The following GALNTL6 variants were observed in gnomAD, a reference collection of about 807,000 sequenced individuals.
GALNTL6 encodes polypeptide N-acetylgalactosaminyltransferase like 6.
In GALNTL6, 46 loss-of-function variants were observed where a neutral mutation model predicts 73.7. That is an observed-to-expected ratio of 0.62 (90% CI 0.49 to 0.80). The LOEUF is 0.80. Among genes scored for constraint, GALNTL6 ranks in the 30% least tolerant of loss-of-function variants. GALNTL6 has a pLI of 0.00. For missense variants in GALNTL6, 604 were observed against 755.0 expected (o/e 0.80, Z 2.34); for synonymous variants, 259 against 263.7 (o/e 0.98, Z 0.17).
chr4:172,682,124 A>G (rs1297283392), intron 5 of GALNTL6, among the ~76,000 whole-genome samples: 1 of 152,244 alleles, frequency 6.6e-6, no homozygotes, highest in Non-Finnish European at 1.5e-5. Flanking sequence ...TTTGGTGCAC[A>G]GAAATATAGA....
At chr4:172,817,833 C>T (rs1334316997) in intron 7 of GALNTL6, among the ~76,000 whole-genome samples, 2 of 152,174 alleles carry the variant, frequency 1.3e-5, no homozygotes, top group African/African-American at 2.4e-5. Flanking sequence ...ATAGTCGTTT[C>T]TGTTAGACTT....
chr4:171,918,245 G>A (rs891505611), intron 2 of GALNTL6, among the ~76,000 whole-genome samples: 1 of 152,046 alleles, frequency 6.6e-6, no homozygotes, highest in African/African-American at 2.4e-5. Flanking sequence ...AATGATGAAA[G>A]TATCAAAAAT....
chr4:172,257,825 A>G (rs190102529), intron 3 of GALNTL6, among the ~76,000 whole-genome samples: 1 of 151,558 alleles, frequency 6.6e-6, no homozygotes, highest in East Asian at 1.9e-4. Context: ...CACAAAAGGT[A>G]TGCAGAGAAG....
At chr4:172,775,571 T>C (rs1447817333) in intron 5 of GALNTL6, among the ~76,000 whole-genome samples, 1 of 152,182 alleles carries the variant, frequency 6.6e-6, no homozygotes, top group Admixed American at 6.5e-5. Context: ...AACCAAGGGA[T>C]TCTTTTTTCC....
chr4:172,751,326 T>C (rs528013622), intron 5 of GALNTL6, among the ~76,000 whole-genome samples: 7 of 152,332 alleles, frequency 4.6e-5, no homozygotes, highest in Admixed American at 1.3e-4. Flanking sequence ...CAAATGGAGT[T>C]AAGGCTCAAA....
At chr4:172,722,725 A>T (rs1440910791) in intron 5 of GALNTL6, among the ~76,000 whole-genome samples, 1 of 152,230 alleles carries the variant, frequency 6.6e-6, no homozygotes, top group African/African-American at 2.4e-5. Flanking sequence ...CAAAAAGGAA[A>T]CAGTATGCCT....
At chr4:171,971,748 TG>T (rs1739576775) in intron 2 of GALNTL6, among the ~76,000 whole-genome samples, 2 of 152,242 alleles carry the variant, frequency 1.3e-5, no homozygotes, top group Admixed American at 1.3e-4. Flanking sequence ...TATAGGATTT[TG>T]ATATGTAACC....
At chr4:172,736,847 G>C (rs1736498093) in intron 5 of GALNTL6, among the ~76,000 whole-genome samples, 1 of 152,150 alleles carries the variant, frequency 6.6e-6, no homozygotes, top group Non-Finnish European at 1.5e-5. Context: ...GTCTTTCCAA[G>C]CTGTTCTTCT....
chr4:172,425,219 T>TA (rs1375853661), intron 5 of GALNTL6: 3 of 152,082 alleles, frequency 2.0e-5, no homozygotes, highest in Non-Finnish European at 4.4e-5. Context: ...CTAACAGAGA[T>TA]ACGCTATGGC....
Position 172,150,884 on chromosome 4 carries a change from A to C in GALNTL6, c.139-78772A>C, listed in dbSNP as rs140132161. 1.0e-3 allele frequency among the ~76,000 whole-genome samples: 153 copies of C among 152,364 alleles called. 1 individual carries two copies. The highest frequency in any genetic ancestry group is 1.9e-3 in the South Asian group (9 of 4,828). ...TATTTTAACTGTGGAAGAGAGAGTT[A>C]AGAAAAGAAGTTGCAGTTGTGTATA... On this transcript the variant is annotated intron_variant, in intron 2 of 12. Coordinates refer to ENST00000506823, the MANE Select transcript of GALNTL6 (RefSeq NM_001034845.3).
In GALNTL6 at chr4:172,245,075, G is replaced by A. The variant is rs1174740494; in HGVS notation, c.247+15311G>A. On this transcript the variant is annotated intron_variant, in intron 3 of 12. Coordinates refer to ENST00000506823, the MANE Select transcript of GALNTL6 (RefSeq NM_001034845.3). Reference sequence around the variant, plus strand: ...AGACGAAAAAGATCAGAAGCATCTAGTAGAGCAAGGGATTGGAATACAAAT... The same window carrying A: ...AGACGAAAAAGATCAGAAGCATCTAATAGAGCAAGGGATTGGAATACAAAT... Among the ~76,000 whole-genome samples the A allele has an allele frequency of 2.6e-5, 4 of 152,144 alleles. No homozygotes were observed. In the East Asian group the frequency reaches 7.7e-4, roughly 29 times the overall value.
intron 2 of GALNTL6, among the ~76,000 whole-genome samples, chr4:172,048,349 C>T (rs1043686613): frequency 6.6e-6 from 1 of 152,134 alleles, no homozygotes; most frequent in African/African-American, 2.4e-5. Flanking sequence ...CCAAAACTTA[C>T]ACTTTCTGAT....
At chr4:171,959,141 C>T (rs1242540092) in intron 2 of GALNTL6, among the ~76,000 whole-genome samples, 2 of 152,040 alleles carry the variant, frequency 1.3e-5, no homozygotes, top group Non-Finnish European at 2.9e-5. Flanking sequence ...CGGCTTGTTA[C>T]GTTTAACCAA....
chr4:172,183,980 A>G lies in GALNTL6; in HGVS notation c.139-45676A>G, dbSNP rs542663825. Reference sequence around the variant, plus strand: ...GCTAATTTTTGTATTTTTAGTAGAGACGGGGTTTCACCATGTTGGCCAGGA... The same window carrying G: ...GCTAATTTTTGTATTTTTAGTAGAGGCGGGGTTTCACCATGTTGGCCAGGA... On this transcript the variant is annotated intron_variant, in intron 2 of 12. Transcript: ENST00000506823. 5.4e-3 allele frequency among the ~76,000 whole-genome samples: 817 copies of G among 152,028 alleles called. 1 individual carries two copies. The highest frequency in any genetic ancestry group is 9.1e-3 in the Non-Finnish European group (619 of 67,980).
chr4:172,852,817 T>C (rs1253460164), intron 7 of GALNTL6, among the ~76,000 whole-genome samples: 1 of 152,214 alleles, frequency 6.6e-6, no homozygotes, highest in African/African-American at 2.4e-5. Flanking sequence ...AAAAAAAGAA[T>C]GAGTACCAAA....
chr4:172,156,796 C>T (rs957345797), intron 2 of GALNTL6, among the ~76,000 whole-genome samples: 6 of 151,604 alleles, frequency 4.0e-5, no homozygotes, highest in African/African-American at 9.7e-5. Flanking sequence ...GGGGAAGCCT[C>T]AGTTGATCTC....
chr4:172,666,575 C>G (rs185988562), intron 5 of GALNTL6, among the ~76,000 whole-genome samples: 1 of 152,246 alleles, frequency 6.6e-6, no homozygotes, highest in South Asian at 2.1e-4. Flanking sequence ...TGGACTAATT[C>G]CACCCTTGTT....
At chr4:171,999,647 A>C (rs1286354636) in intron 2 of GALNTL6, among the ~76,000 whole-genome samples, 1 of 152,166 alleles carries the variant, frequency 6.6e-6, no homozygotes, top group Non-Finnish European at 1.5e-5. Context: ...ACCATTGTAA[A>C]CTAAGACACA....
chr4:172,324,281 A>G (rs934900879), intron 4 of GALNTL6, among the ~76,000 whole-genome samples: 15 of 151,958 alleles, frequency 9.9e-5, no homozygotes, highest in Admixed American at 4.6e-4. Context: ...TCAGACGCCA[A>G]TGTTACTTGA....
Sources: gnomAD v4.1 joint callset for allele counts (sites outside exome capture counted in the v4.1 genomes callset) on GRCh38, gnomAD v4.1.1 for gene constraint, MANE v1.5 for transcripts, NCBI Gene and HGNC (gene_info 2026-07-23, HGNC 2026-07-21) for gene names.